IL1RAPL2: variants seen among roughly 807,000 people sequenced by gnomAD.
The protein encoded by IL1RAPL2 is interleukin 1 receptor accessory protein like 2, also known as X-linked interleukin-1 receptor accessory protein-like 2.
In IL1RAPL2, 3 loss-of-function variants were observed where a neutral mutation model predicts 44.1. The observed-to-expected ratio is 0.07, with a 90% CI of 0.03 to 0.18. The LOEUF is 0.18. Ranked by LOEUF, IL1RAPL2 falls within the 10% of genes least tolerant of loss-of-function variation. The pLI is 1.00. For missense variants in IL1RAPL2, 391 were observed against 496.4 expected, an observed-to-expected ratio of 0.79 and a Z score of 2.02; for synonymous variants, 181 against 178.8, an observed-to-expected ratio of 1.01 and a Z score of -0.10.
chrX:105,033,001 G>T (rs1454147026), intron 2 of IL1RAPL2, among the ~76,000 whole-genome samples: 1 of 111,349 alleles, frequency 9.0e-6, no homozygotes, highest in East Asian at 2.8e-4. Context: ...TGTCTCTTTT[G>T]ATCTTTGTTG....
intron 2 of IL1RAPL2, among the ~76,000 whole-genome samples, chrX:105,099,528 G>A (rs1449953925): frequency 1.1e-5 from 1 of 91,963 alleles, no homozygotes; most frequent in Non-Finnish European, 2.1e-5. Context: ...ACAGTGGCGC[G>A]ATCTCCGCTC....
intron 5 of IL1RAPL2, among the ~76,000 whole-genome samples, chrX:105,300,095 T>C (rs780973683): frequency 8.0e-5 from 9 of 111,870 alleles, no homozygotes; most frequent in Admixed American, 3.8e-4. Context: ...CCTTGTTGTC[T>C]GTGGGAAATA....
intron 5 of IL1RAPL2, among the ~76,000 whole-genome samples, chrX:105,447,307 A>G (rs2035971133): frequency 3.3e-5 from 2 of 61,352 alleles, no homozygotes; most frequent in South Asian, 2.3e-3. Flanking sequence ...ATATATATAA[A>G]TATAAATATA....
At chrX:105,349,478 C>T (rs2035136423) in intron 5 of IL1RAPL2, among the ~76,000 whole-genome samples, 1 of 111,528 alleles carries the variant, frequency 9.0e-6, no homozygotes, top group Non-Finnish European at 1.9e-5. Context: ...TCTAGTAATT[C>T]CCACAAGTAT....
rs561111851 is a variant in IL1RAPL2, at chrX:105,013,807, T to C, written c.83-181668T>C. On this transcript the variant is annotated intron_variant, in intron 2 of 10. Transcript: ENST00000372582. ...TTTCACGATGACTCTTTTTCCACAT[T>C]GATCTCTTTCTTCTATTGTGTTTTA... 1.7e-4 allele frequency among the ~76,000 whole-genome samples: 19 copies of C among 112,211 alleles called. No individual in the cohort carries two copies. In the South Asian group the frequency reaches 6.6e-3, roughly 39 times the overall value.
At position 104,582,749 on chromosome X, in the gene IL1RAPL2, CTTCT is replaced by C. The variant is rs373027468; in HGVS notation, c.-20+15713_-20+15716del. On this transcript the variant is annotated intron_variant, in intron 1 of 10. Transcript: ENST00000372582. Reference sequence around the variant, plus strand: ...TCTCTCTCCCTTCCTTCCTTCCTTCCTTCTTTCTTTCTTTCTTTTTTCTTTCTCT... The same window carrying C: ...TCTCTCTCCCTTCCTTCCTTCCTTCCTTCTTTCTTTCTTTTTTCTTTCTCT... 2.1e-3 allele frequency among the ~76,000 whole-genome samples: 170 copies of C among 80,984 alleles called. 3 individuals carry two copies. The highest frequency in any genetic ancestry group is 5.0e-3 in the African/African-American group (98 of 19,656). 70.3% of individuals were successfully genotyped at this position (80,984 alleles called of 115,157 possible). A position where few individuals can be genotyped will look rare whatever the true frequency, so the allele number is the denominator to read the frequency against.
At chrX:105,117,249 A>G (rs141655900) in intron 2 of IL1RAPL2, among the ~76,000 whole-genome samples, 9,755 of 112,172 alleles carry the variant, frequency 0.087, 1,034 homozygotes, top group African/African-American at 0.3. Flanking sequence ...GTGAGAAACC[A>G]GTGGATTTGA....
chrX:104,739,674 A>G (rs1482657139), intron 2 of IL1RAPL2, among the ~76,000 whole-genome samples: 1 of 112,111 alleles, frequency 8.9e-6, no homozygotes. Flanking sequence ...GTAAGAAAGA[A>G]TCGTGTGAAG....
rs2033896517 is a variant in IL1RAPL2, at chrX:105,218,833, T to C, written c.357-14985T>C. ...AGTTATTCGTAAAGGTACCATTGTC[T>C]CACCTCCTTCCCCCACTCTTCCCAG... is the stretch of plus-strand genomic sequence containing the variant. On this transcript the variant is annotated intron_variant, in intron 3 of 10. Coordinates refer to ENST00000372582, the MANE Select transcript of IL1RAPL2 (RefSeq NM_017416.2). 4 of 571,845 alleles carry C rather than the reference T, an allele frequency of 7.0e-6. 1 individual carries two copies. The South Asian group carries it at 1.2e-4, about 17-fold the overall frequency. The allele number at this position is 571,845 out of a possible 1,213,427, so 47.1% of individuals were successfully genotyped here. A position where few individuals can be genotyped will look rare whatever the true frequency, so the allele number is the denominator to read the frequency against.
At chrX:104,583,372 A>AATTAGC (rs1378003157) in intron 1 of IL1RAPL2, among the ~76,000 whole-genome samples, 1 of 111,480 alleles carries the variant, frequency 9.0e-6, no homozygotes. Context: ...ACCCAATACC[A>AATTAGC]ATTAGCAGTT....
At chrX:104,727,471 A>C (rs1452864316) in intron 2 of IL1RAPL2, among the ~76,000 whole-genome samples, 2 of 111,742 alleles carry the variant, frequency 1.8e-5, no homozygotes, top group African/African-American at 6.5e-5. Flanking sequence ...GGGAATGCTT[A>C]TACACCACTG....
chrX:105,603,287 A>C (rs1301136067), intron 6 of IL1RAPL2, among the ~76,000 whole-genome samples: 1 of 110,540 alleles, frequency 9.0e-6, no homozygotes, highest in African/African-American at 3.3e-5. Context: ...ACCTATAAGA[A>C]ATTCACTTAA....
chrX:104,678,679 C>T (rs1361004563), intron 2 of IL1RAPL2, among the ~76,000 whole-genome samples: 1 of 111,832 alleles, frequency 8.9e-6, no homozygotes, highest in Non-Finnish European at 1.9e-5. Flanking sequence ...TACAACTTGG[C>T]CAAAGCTGTT....
At chrX:104,621,239 G>GTT (rs1238266361) in intron 1 of IL1RAPL2, among the ~76,000 whole-genome samples, 3 of 106,262 alleles carry the variant, frequency 2.8e-5, no homozygotes, top group East Asian at 2.9e-4. Context: ...CATCTCAGCA[G>GTT]TTATATATAT....
intron 2 of IL1RAPL2, among the ~76,000 whole-genome samples, chrX:104,979,368 G>A (rs960784874): frequency 9.0e-6 from 1 of 111,484 alleles, no homozygotes; most frequent in Non-Finnish European, 1.9e-5. Context: ...TGGGGAGGTA[G>A]GGGGATGGGA....
At chrX:104,597,116 G>A (rs1928779433) in intron 1 of IL1RAPL2, among the ~76,000 whole-genome samples, 1 of 111,015 alleles carries the variant, frequency 9.0e-6, no homozygotes, top group African/African-American at 3.3e-5. Context: ...GGCTGAGGCA[G>A]GTGGATTGCC....
At chrX:105,556,753 T>C (rs1424400483) in intron 6 of IL1RAPL2, among the ~76,000 whole-genome samples, 10 of 112,084 alleles carry the variant, frequency 8.9e-5, no homozygotes, top group Admixed American at 1.9e-4. Flanking sequence ...TGTTTTTAGT[T>C]TTAATTTGCT....
chrX:105,269,664 A>G (rs1202357968), intron 5 of IL1RAPL2, among the ~76,000 whole-genome samples: 1 of 111,661 alleles, frequency 9.0e-6, no homozygotes, highest in Non-Finnish European at 1.9e-5. Context: ...AGAAAATTCA[A>G]TCATGGGCAG....
chrX:104,839,820 G>T (rs1477920892), intron 2 of IL1RAPL2, among the ~76,000 whole-genome samples: 1 of 111,747 alleles, frequency 8.9e-6, no homozygotes, highest in East Asian at 2.8e-4. Context: ...TTTTGGGAGG[G>T]TGTATGTGTC....
Sources: allele counts gnomAD v4.1 joint callset (sites outside exome capture counted in the v4.1 genomes callset), GRCh38; gene constraint gnomAD v4.1.1; transcripts MANE v1.5; gene names NCBI Gene and HGNC (gene_info 2026-07-23, HGNC 2026-07-21).